The following VPS8 variants were observed in gnomAD, a reference collection of about 807,000 sequenced individuals.
VPS8 encodes VPS8 subunit of CORVET complex, also known as vacuolar protein sorting-associated protein 8 homolog.
VPS8 carries 129 observed loss-of-function variants against 216.4 expected under a neutral mutation model. That is an observed-to-expected ratio of 0.60 (90% CI 0.52 to 0.69). The LOEUF (loss-of-function observed/expected upper bound fraction) is 0.69. Ranked by LOEUF, VPS8 falls within the 30% of genes least tolerant of loss-of-function variation. The probability of loss-of-function intolerance (pLI) is 0.00; values close to 1 mark genes in which losing one functional copy is unlikely to be tolerated. For missense variants in VPS8, 1,531 were observed against 1,683.5 expected (o/e 0.91, Z 1.59); for synonymous variants, 571 against 565.4 (o/e 1.01, Z -0.14).
intron 25 of VPS8, among the ~76,000 whole-genome samples, chr3:184,909,189 A>G (rs932002626): frequency 2.0e-5 from 3 of 152,252 alleles, no homozygotes; most frequent in African/African-American, 7.2e-5. Context: ...TCAAAACTAC[A>G]GTAGAGCTGG....
At position 185,047,178 on chromosome 3, in the gene VPS8, A is replaced by G. The variant is rs186037593; in HGVS notation, c.4057-1301A>G. Among the ~76,000 whole-genome samples the G allele has an allele frequency of 3.0e-4, 46 of 152,244 alleles. 1 individual carries two copies. Among genetic ancestry groups the G allele is most frequent in the Non-Finnish European group, 1.9e-4 (13 of 68,022 alleles). On this transcript the variant is annotated intron_variant, in intron 46 of 47. Transcript: ENST00000625842. ...GCCACATCAGGACGAGGGCCACATG[A>G]TGTTGCTTCTTGGAGACTGGCTCTG... is the stretch of plus-strand genomic sequence containing the variant.
intron 8 of VPS8, among the ~76,000 whole-genome samples, chr3:184,846,690 AG>A (rs1312068440): frequency 6.6e-6 from 1 of 152,266 alleles, no homozygotes; most frequent in Non-Finnish European, 1.5e-5. Context: ...TCCAAACTCC[AG>A]GGTATGAAAT....
chr3:184,908,705 C>A (rs575083485), intron 25 of VPS8, among the ~76,000 whole-genome samples: 20 of 152,262 alleles, frequency 1.3e-4, no homozygotes, highest in South Asian at 2.1e-4. Flanking sequence ...GTCCAGCATC[C>A]AAGAAGAATG....
intron 39 of VPS8, among the ~76,000 whole-genome samples, chr3:184,967,880 C>T (rs940989739): frequency 2.0e-5 from 3 of 151,782 alleles, no homozygotes; most frequent in Non-Finnish European, 2.9e-5. Context: ...TAAAATATAC[C>T]CTAACATAAA....
chr3:184,893,910 A>G (rs1034141829), intron 22 of VPS8, among the ~76,000 whole-genome samples: 2 of 152,196 alleles, frequency 1.3e-5, no homozygotes, highest in African/African-American at 4.8e-5. Flanking sequence ...AATAAATAGC[A>G]ACTTAGAATA....
intron 42 of VPS8, among the ~76,000 whole-genome samples, chr3:184,993,285 A>G (rs912017550): frequency 6.6e-6 from 1 of 152,152 alleles, no homozygotes; most frequent in African/African-American, 2.4e-5. Flanking sequence ...ACATCAAAAT[A>G]TCAACAGTGT....
intron 44 of VPS8, among the ~76,000 whole-genome samples, chr3:184,998,214 G>A (rs536772359): frequency 5.1e-4 from 78 of 152,200 alleles, no homozygotes; most frequent in African/African-American, 1.6e-3. Context: ...GGACTGGGGC[G>A]GTGACATGAT....
chr3:184,868,233 G>T (rs1380174203), intron 18 of VPS8, 174 bp downstream of exon 18: 2 of 626,704 alleles, frequency 3.2e-6, no homozygotes, highest in African/African-American at 3.7e-5. Context: ...GTATAAGTTA[G>T]AATTAGGTTT....
At chr3:185,000,746 T>C (rs1753304404) in intron 45 of VPS8, among the ~76,000 whole-genome samples, 1 of 151,922 alleles carries the variant, frequency 6.6e-6, no homozygotes, top group Admixed American at 6.6e-5. Context: ...GCTGGGACTA[T>C]AGGTGCATGC....
chr3:184,990,638 G>C (rs1335815505), intron 42 of VPS8, among the ~76,000 whole-genome samples: 1 of 152,156 alleles, frequency 6.6e-6, no homozygotes, highest in African/African-American at 2.4e-5. Context: ...AGTTTATTCA[G>C]TTTTGAAATG....
intron 34 of VPS8, among the ~76,000 whole-genome samples, chr3:184,931,088 A>G (rs1184303448): frequency 6.6e-6 from 1 of 152,196 alleles, no homozygotes; most frequent in Non-Finnish European, 1.5e-5. Flanking sequence ...TTAAGAAACA[A>G]TGCTTCTAGA....
intron 22 of VPS8, among the ~76,000 whole-genome samples, chr3:184,887,298 G>A (rs1731462035): frequency 6.6e-6 from 1 of 152,180 alleles, no homozygotes; most frequent in African/African-American, 2.4e-5. Flanking sequence ...AGCAAGCCAT[G>A]ATTGCACCAC....
intron 36 of VPS8, among the ~76,000 whole-genome samples, chr3:184,956,789 G>A (rs1745681103): frequency 6.6e-6 from 1 of 152,104 alleles, no homozygotes; most frequent in Non-Finnish European, 1.5e-5. Flanking sequence ...TAAATATTGT[G>A]TATTTTAGTA....
At chr3:184,955,967 CA>C (rs63345161) in intron 36 of VPS8, among the ~76,000 whole-genome samples, 5 of 146,606 alleles carry the variant, frequency 3.4e-5, no homozygotes, top group Admixed American at 1.4e-4. Context: ...TTATAAGATA[CA>C]AAAAAAAAAA....
At chr3:184,971,127 G>A (rs181900674) in intron 39 of VPS8, among the ~76,000 whole-genome samples, 15 of 152,302 alleles carry the variant, frequency 9.8e-5, no homozygotes, top group African/African-American at 3.6e-4. Flanking sequence ...GGAAATAAAT[G>A]TCTTAGGTTC....
intron 45 of VPS8, among the ~76,000 whole-genome samples, chr3:185,023,138 G>C (rs1756883126): frequency 1.3e-5 from 2 of 152,028 alleles, no homozygotes. Context: ...CTGTTCCCTG[G>C]CAACCACTGA....
intron 25 of VPS8, among the ~76,000 whole-genome samples, chr3:184,902,215 T>C (rs1232122098): frequency 1.3e-5 from 2 of 150,484 alleles, no homozygotes; most frequent in Admixed American, 6.6e-5. Context: ...TGGTGGCTCA[T>C]GCCTGTAATC....
At chr3:184,903,046 C>G (rs2109002022) in intron 25 of VPS8, among the ~76,000 whole-genome samples, 1 of 152,216 alleles carries the variant, frequency 6.6e-6, no homozygotes, top group East Asian at 1.9e-4. Flanking sequence ...GTAAGATTAT[C>G]TTATTTTCAT....
Position 184,855,829 on chromosome 3 carries a change from A to G in VPS8, c.1143+11A>G. 6.3e-7 allele frequency: 1 copy of G among 1,584,894 alleles called. No homozygotes were observed. The highest frequency in any genetic ancestry group is 8.6e-7 in the Non-Finnish European group (1 of 1,166,182). On this transcript the variant is annotated intron_variant, in intron 14 of 47. Coordinates refer to ENST00000625842, the MANE Select transcript of VPS8 (RefSeq NM_001009921.3). ...GTTCATTTTCTATTGGTAAGTCCTAATATGACCATTAGAAAGCCTCTTACA... is the reference window on the plus strand; with the variant it reads ...GTTCATTTTCTATTGGTAAGTCCTAGTATGACCATTAGAAAGCCTCTTACA...
Sources: gnomAD v4.1 joint callset for allele counts (sites outside exome capture counted in the v4.1 genomes callset) on GRCh38, gnomAD v4.1.1 for gene constraint, MANE v1.5 for transcripts, NCBI Gene and HGNC (gene_info 2026-07-23, HGNC 2026-07-21) for gene names.